The following ERG28 variants were observed in gnomAD, a reference collection of about 807,000 sequenced individuals.
ERG28 encodes the protein ergosterol biosynthesis 28 homolog.
ERG28 carries 9 observed loss-of-function variants against 15.7 expected under a neutral mutation model. The observed-to-expected ratio is 0.57, with a 90% confidence interval of 0.35 to 1.00. ERG28 has a LOEUF of 1.00. Ranked by LOEUF, ERG28 falls within the 50% of genes least tolerant of loss-of-function variation. The probability of loss-of-function intolerance (pLI) is 0.02; values close to 1 mark genes in which losing one functional copy is unlikely to be tolerated. For missense variants in ERG28, 117 were observed against 173.3 expected, an observed-to-expected ratio of 0.68 and a Z score of 1.82; for synonymous variants, 61 against 68.4, an observed-to-expected ratio of 0.89 and a Z score of 0.53.
At chr14:75,653,307 A>C (rs2140063312) in intron 3 of ERG28, among the ~76,000 whole-genome samples, 1 of 151,988 alleles carries the variant, frequency 6.6e-6, no homozygotes, top group Non-Finnish European at 1.5e-5. Context: ...ACTGAGGTAA[A>C]GATAAGTCTG....
intron 2 of ERG28, 82 bp downstream of exon 2, chr14:75,657,288 T>A: frequency 6.6e-7 from 1 of 1,504,906 alleles, no homozygotes; most frequent in East Asian, 2.3e-5. Flanking sequence ...GTTACTCTGA[T>A]GTACAGCCTG....
intron 3 of ERG28, 124 bp from the exon 4 acceptor site, chr14:75,652,013 CTTG>C: frequency 1.2e-6 from 1 of 834,772 alleles, no homozygotes; most frequent in Non-Finnish European, 1.9e-6. Context: ...AGAAAGGACA[CTTG>C]TTCCTGAGGA....
chr14:75,657,284 C>G lies in ERG28; in HGVS notation c.133+86G>C, dbSNP rs573702918. On this transcript the variant is annotated intron_variant, in intron 2 of 4. Transcript: ENST00000256319. ...GTTTGTTGACGTTTCCTAGGTTACT[C>G]TGATGTACAGCCTGGTTTGGGAACC... is the stretch of plus-strand genomic sequence containing the variant. 1.0e-5 allele frequency: 15 copies of G among 1,490,006 alleles called. No individual in the cohort carries two copies. In the African/African-American group the frequency reaches 1.5e-4, roughly 15 times the overall value. The allele number at this position is 1,490,006 out of a possible 1,614,324, so 92.3% of individuals were successfully genotyped here. A position where few individuals can be genotyped will look rare whatever the true frequency, so the allele number is the denominator to read the frequency against.
chr14:75,659,116 C>T (rs142445907), intron 1 of ERG28, among the ~76,000 whole-genome samples: 72 of 152,268 alleles, frequency 4.7e-4, no homozygotes, highest in African/African-American at 1.6e-3. Context: ...ATATTTCCAT[C>T]TTACAGATGA....
intron 1 of ERG28, among the ~76,000 whole-genome samples, chr14:75,659,705 A>T (rs1890652214): frequency 6.6e-6 from 1 of 152,072 alleles, no homozygotes; most frequent in Non-Finnish European, 1.5e-5. Flanking sequence ...TTCTTGGTCC[A>T]CGGTTTATCT....
rs1272650124 is a variant in ERG28 at position 75,651,386 on chromosome 14, T to TATAC, written c.*165_*168dup. 4 of 593,230 alleles carry TATAC rather than the reference T, an allele frequency of 6.7e-6. No homozygotes were observed. The highest frequency in any genetic ancestry group is 5.6e-5 in the African/African-American group (3 of 53,878). The allele number at this position is 593,230 out of a possible 1,614,324, so 36.7% of individuals were successfully genotyped here. On this transcript the variant is annotated 3_prime_UTR_variant, in exon 5 of 5. Transcript: ENST00000256319. ...TTCTTTAAATTGTACGTACATGTTA[T>TATAC]ATACTTTTCAGTATGCATATCTTTA...
At chr14:75,658,904 AT>A (rs1890633143) in intron 1 of ERG28, among the ~76,000 whole-genome samples, 1 of 152,032 alleles carries the variant, frequency 6.6e-6, no homozygotes, top group African/African-American at 2.4e-5. Context: ...TTTTTTCCAA[AT>A]TTATAAATTG....
At chr14:75,656,234 C>T (rs901883014) in intron 2 of ERG28, among the ~76,000 whole-genome samples, 1 of 151,142 alleles carries the variant, frequency 6.6e-6, no homozygotes, top group African/African-American at 2.4e-5. Flanking sequence ...CATGAAGGCC[C>T]CTAGATCACA....
intron 3 of ERG28, among the ~76,000 whole-genome samples, chr14:75,653,101 G>T (rs574098051): frequency 6.6e-6 from 1 of 152,110 alleles, no homozygotes; most frequent in Admixed American, 6.5e-5. Flanking sequence ...TGGGATTACA[G>T]GCAGAAGCCA....
Position 75,651,572 on chromosome 14 carries a change from G to T in ERG28, c.406C>A (p.Gln136Lys), listed in dbSNP as rs115877512. The T allele has an allele frequency of 2.9e-5, 47 of 1,612,580 alleles. No homozygotes were observed. The East Asian group carries it at 1.0e-3, about 35-fold the overall frequency. ...TGCTGGCCTCAGTTTCTCTTCTTCTGTCTGGATACTGGTTCTACTTCTAGA... is the reference window on the plus strand; with the variant it reads ...TGCTGGCCTCAGTTTCTCTTCTTCTTTCTGGATACTGGTTCTACTTCTAGA... ...RYLEVEPVSRQKKRN is the reference protein window; with the variant it reads ...RYLEVEPVSRKKKRN The change falls in exon 5 of 5, where the codon CAG becomes AAG. Residue 136 changes from glutamine (Q) to lysine (K), a missense_variant. Physicochemically the swap from Gln to Lys is moderately conservative, Grantham distance 53 (BLOSUM62 1). Transcript: ENST00000256319.
chr14:75,657,293 A>G lies in ERG28; in HGVS notation c.133+77T>C, dbSNP rs542686565. 13 of 1,526,864 alleles carry G rather than the reference A, an allele frequency of 8.5e-6. No homozygotes were observed. The South Asian group carries it at 1.2e-4, about 14-fold the overall frequency. 94.6% of individuals were successfully genotyped at this position (1,526,864 alleles called of 1,614,324 possible). On this transcript the variant is annotated intron_variant, in intron 2 of 4. Transcript: ENST00000256319. ...CGTTTCCTAGGTTACTCTGATGTACAGCCTGGTTTGGGAACCACAGCATAG... is the reference window on the plus strand; with the variant it reads ...CGTTTCCTAGGTTACTCTGATGTACGGCCTGGTTTGGGAACCACAGCATAG...
Position 75,651,539 on chromosome 14 carries a change from G to A in ERG28, c.*16C>T, listed in dbSNP as rs985824314. The A allele has an allele frequency of 3.1e-6, 5 of 1,597,318 alleles. No individual in the cohort carries two copies. Among genetic ancestry groups the A allele is most frequent in the African/African-American group, 1.3e-5 (1 of 74,646 alleles). Reference sequence around the variant, plus strand: ...AGGTGGAAAACGAGAAAGTCCTGGAGGTGATAATGCTGGCCTCAGTTTCTC... The same window carrying A: ...AGGTGGAAAACGAGAAAGTCCTGGAAGTGATAATGCTGGCCTCAGTTTCTC... On this transcript the variant is annotated 3_prime_UTR_variant, in exon 5 of 5. Transcript: ENST00000256319.
At chr14:75,657,244 G>A in intron 2 of ERG28, 126 bp downstream of exon 2, 1 of 1,209,706 alleles carries the variant, frequency 8.3e-7, no homozygotes, top group Non-Finnish European at 1.2e-6. Context: ...TTTGGTGAGG[G>A]AAATGGGTAC....
chr14:75,656,200 G>C (rs940763290), intron 2 of ERG28, among the ~76,000 whole-genome samples: 8 of 151,698 alleles, frequency 5.3e-5, no homozygotes, highest in Admixed American at 5.3e-4. Flanking sequence ...ACACTTTAGA[G>C]CACTGCTACT....
intron 3 of ERG28, 61 bp from the exon 4 acceptor site, chr14:75,651,950 G>T (rs1441573758): frequency 7.0e-7 from 1 of 1,425,162 alleles, no homozygotes; most frequent in Non-Finnish European, 9.9e-7. Context: ...CAGAGGAAAA[G>T]TATCAGACTT....
At chr14:75,655,423 G>A (rs1211785493) in intron 2 of ERG28, among the ~76,000 whole-genome samples, 2 of 152,138 alleles carry the variant, frequency 1.3e-5, no homozygotes, top group African/African-American at 4.8e-5. Context: ...CAATTTAGAT[G>A]CCCATATATG....
chr14:75,657,003 ACTTGCC>A (rs1012702413), intron 2 of ERG28, among the ~76,000 whole-genome samples: 1 of 148,676 alleles, frequency 6.7e-6, no homozygotes. Context: ...CTATTTCCTC[ACTTGCC>A]CTTATAATGC....
At chr14:75,659,874 C>T (rs1295686638) in intron 1 of ERG28, among the ~76,000 whole-genome samples, 1 of 149,784 alleles carries the variant, frequency 6.7e-6, no homozygotes, top group East Asian at 2.0e-4. Flanking sequence ...GCCGCCCCCC[C>T]CCGCCAACTC....
chr14:75,651,963 TACAG>T, intron 3 of ERG28, 74 bp from the exon 4 acceptor site: 1 of 1,307,928 alleles, frequency 7.6e-7, no homozygotes, highest in Non-Finnish European at 1.1e-6. Flanking sequence ...TCAGACTTCA[TACAG>T]ACAAATAAGA....
Sources: gnomAD v4.1 joint callset for allele counts (sites outside exome capture counted in the v4.1 genomes callset) on GRCh38, gnomAD v4.1.1 for gene constraint, MANE v1.5 for transcripts, NCBI Gene and HGNC (gene_info 2026-07-23, HGNC 2026-07-21) for gene names.